TRPV4: variants seen among roughly 807,000 people sequenced by gnomAD.
The protein encoded by TRPV4 is transient receptor potential cation channel subfamily V member 4.
Under a neutral mutation model 84.1 loss-of-function variants are expected in TRPV4, and 58 were observed. The ratio of observed to expected loss-of-function variants is 0.69; its 90% CI spans 0.56 to 0.86. The LOEUF is 0.86. TRPV4 is among the 40% of genes least tolerant of loss of function. The pLI is 0.00. For synonymous variants in TRPV4, 489 were observed against 500.9 expected, an observed-to-expected ratio of 0.98 and a Z score of 0.32; for missense variants, 879 against 1,181.1, an observed-to-expected ratio of 0.74 and a Z score of 3.75.
chr12:109,832,791 A>T (rs921625049), intron 1 of TRPV4: 1 of 43,878 alleles, frequency 2.3e-5, no homozygotes, highest in African/African-American at 9.2e-5. Flanking sequence ...CCCCACCCCC[A>T]CCCCCGCTAC....
In TRPV4 at chr12:109,798,482, T is replaced by C; in HGVS notation, c.1152+132A>G. On this transcript the variant is annotated intron_variant, in intron 6 of 15. Transcript: ENST00000261740. This position sits in a 1 kb window ranked among gnomAD's most constrained non-coding sequence, Gnocchi z 5.0. Reference sequence around the variant, plus strand: ...CATAGCAGGTTCTTGAGCTGGGACATCTGCACACTGGGGTTGGCATGTTGG... The same window carrying C: ...CATAGCAGGTTCTTGAGCTGGGACACCTGCACACTGGGGTTGGCATGTTGG... 1 of 1,170,750 alleles carries C rather than the reference T, an allele frequency of 8.5e-7. No homozygotes were observed. The highest frequency in any genetic ancestry group is 1.2e-6 in the Non-Finnish European group (1 of 822,690). 72.5% of individuals were successfully genotyped at this position (1,170,750 alleles called of 1,614,324 possible). A position where few individuals can be genotyped will look rare whatever the true frequency, so the allele number is the denominator to read the frequency against.
At position 109,798,869 on chromosome 12, in the gene TRPV4, G is replaced by A. The variant is rs1749218716; in HGVS notation, c.897C>T (p.His299=). The change falls in exon 6 of 16, where the codon CAC becomes CAT. Residue 299 remains histidine (H), a synonymous_variant. Coordinates refer to ENST00000261740, the MANE Select transcript of TRPV4 (RefSeq NM_021625.5). This position sits in a 1 kb window ranked among gnomAD's most constrained non-coding sequence, Gnocchi z 5.0. ...GGTTCTCCGTCAGGTAGTTGACAAT[G>A]TGGGGCTGGTTGGTGCAGGCAGCCA... ...LSLAACTNQP[H]IVNYLTENPH... The A allele has an allele frequency of 6.2e-7, 1 of 1,613,856 alleles. No homozygotes were observed. The highest frequency in any genetic ancestry group is 8.5e-7 in the Non-Finnish European group (1 of 1,179,854).
intron 1 of TRPV4, among the ~76,000 whole-genome samples, chr12:109,820,622 A>C (rs1949475320): frequency 7.0e-6 from 1 of 142,588 alleles, no homozygotes; most frequent in African/African-American, 2.6e-5. Context: ...TCCCGGGTTC[A>C]CGCCATTCTT....
At chr12:109,808,174 T>C in intron 3 of TRPV4, 122 bp downstream of exon 3, 3 of 1,167,702 alleles carry the variant, frequency 2.6e-6, no homozygotes, top group South Asian at 2.6e-5. Context: ...TCCAGTGCAC[T>C]TTCCAGGCCA....
At chr12:109,824,731 G>C (rs545887577) in intron 1 of TRPV4, among the ~76,000 whole-genome samples, 5 of 149,664 alleles carry the variant, frequency 3.3e-5, no homozygotes, top group African/African-American at 1.2e-4. Flanking sequence ...ACTCCAGCGG[G>C]GGCGACAAGA....
chr12:109,833,081 G>A (rs770185946), intron 1 of TRPV4, among the ~76,000 whole-genome samples: 2 of 152,074 alleles, frequency 1.3e-5, no homozygotes, highest in Non-Finnish European at 2.9e-5. Context: ...GAACCGAACC[G>A]CCCTCCCCCC....
chr12:109,787,482 T>C (rs1006783188), intron 13 of TRPV4, among the ~76,000 whole-genome samples: 2 of 152,092 alleles, frequency 1.3e-5, no homozygotes, highest in South Asian at 2.1e-4. Flanking sequence ...GTGCACACCT[T>C]AGCCCCAGCT....
intron 1 of TRPV4, among the ~76,000 whole-genome samples, chr12:109,823,492 C>G (rs1279756175): frequency 1.3e-5 from 2 of 152,222 alleles, no homozygotes; most frequent in Admixed American, 1.3e-4. Context: ...GTCCCGGCCC[C>G]TGGGTAGGAG....
intron 3 of TRPV4, among the ~76,000 whole-genome samples, chr12:109,806,644 C>T (rs1238323083): frequency 6.7e-6 from 1 of 150,058 alleles, no homozygotes; most frequent in African/African-American, 2.5e-5. Context: ...CGCTTGAAGC[C>T]AGGAGTTTGA....
rs774933449 is a variant in TRPV4 at position 109,796,375 on chromosome 12, T to C, written c.1332+150A>G. On this transcript the variant is annotated intron_variant, in intron 7 of 15. Transcript: ENST00000261740. This position sits in a 1 kb window ranked among gnomAD's most constrained non-coding sequence, Gnocchi z 4.2. ...GGCAGACACTGTTCTGGGCACTTAGTTGGCACCTTCTCTTGCATTCAGCCA... is the reference window on the plus strand; with the variant it reads ...GGCAGACACTGTTCTGGGCACTTAGCTGGCACCTTCTCTTGCATTCAGCCA... The C allele has an allele frequency of 7.8e-5, 65 of 833,938 alleles. No individual in the cohort carries two copies. Among genetic ancestry groups the C allele is most frequent in the Non-Finnish European group, 1.1e-4 (57 of 519,966 alleles). The allele number at this position is 833,938 out of a possible 1,614,324, so 51.7% of individuals were successfully genotyped here.
chr12:109,789,857 G>A (rs1050755109), intron 12 of TRPV4, among the ~76,000 whole-genome samples: 2 of 152,216 alleles, frequency 1.3e-5, no homozygotes, highest in Admixed American at 6.5e-5. Flanking sequence ...CATTAGTGAT[G>A]TCTGCTATGG....
chr12:109,793,916 G>GA lies in TRPV4; in HGVS notation c.1584+13_1584+14insT. The stretch of plus-strand genomic sequence containing the variant: ...GGGCAGGCAGGGTGGGGGGCACGGG[G>GA]GCCAGGCACTTACGTTGGTGAAGAA... On this transcript the variant is annotated intron_variant, in intron 9 of 15. Transcript: ENST00000261740. The surrounding 1 kb of genome is among the most constrained non-coding windows in gnomAD (Gnocchi z 4.0). 6.3e-7 allele frequency: 1 copy of GA among 1,597,814 alleles called. No homozygotes were observed. Among genetic ancestry groups the GA allele is most frequent in the Non-Finnish European group, 8.5e-7 (1 of 1,171,052 alleles).
chr12:109,818,073 G>T (rs939496536), intron 1 of TRPV4, among the ~76,000 whole-genome samples: 1 of 151,916 alleles, frequency 6.6e-6, no homozygotes, highest in African/African-American at 2.4e-5. Context: ...TCACACAGCA[G>T]GTTAGTGACA....
chr12:109,796,534 G>A lies in TRPV4; in HGVS notation c.1323C>T (p.Ser441=). The change falls in exon 7 of 16, where the codon AGC becomes AGT. Residue 441 remains serine (S), a synonymous_variant. Coordinates refer to ENST00000261740, the MANE Select transcript of TRPV4 (RefSeq NM_021625.5). The surrounding 1 kb of genome is among the most constrained non-coding windows in gnomAD (Gnocchi z 4.2). The part of the protein sequence containing the change: ...ASVLEILVYN[S]KIENRHEMLA... Reference sequence around the variant, plus strand: ...CCCTCCTGGAGCCCACCTCAATCTTGCTGTTGTACACCAGGATCTCCAGCA... The same window carrying A: ...CCCTCCTGGAGCCCACCTCAATCTTACTGTTGTACACCAGGATCTCCAGCA... 6.2e-7 allele frequency: 1 copy of A among 1,613,906 alleles called. No individual in the cohort carries two copies. Among genetic ancestry groups the A allele is most frequent in the Non-Finnish European group, 8.5e-7 (1 of 1,179,964 alleles).
chr12:109,828,258 G>C (rs1892321277), intron 1 of TRPV4, among the ~76,000 whole-genome samples: 1 of 152,232 alleles, frequency 6.6e-6, no homozygotes, highest in Non-Finnish European at 1.5e-5. Context: ...GGTCTCGTGT[G>C]ATCCTCCCTC....
rs911837805 is a variant in TRPV4, at chr12:109,783,965, G to A, written c.2459-187C>T. On this transcript the variant is annotated intron_variant, in intron 15 of 15. Transcript: ENST00000261740. This position sits in a 1 kb window ranked among gnomAD's most constrained non-coding sequence, Gnocchi z 4.6. Reference sequence around the variant, plus strand: ...GGTGCCTCCCCAGGAGAGAATGGAGGAACCAGGATTCAAGCCTGGAGCCGA... The same window carrying A: ...GGTGCCTCCCCAGGAGAGAATGGAGAAACCAGGATTCAAGCCTGGAGCCGA... 3.3e-5 allele frequency among the ~76,000 whole-genome samples: 5 copies of A among 152,310 alleles called. No individual in the cohort carries two copies. The highest frequency in any genetic ancestry group is 5.9e-5 in the Non-Finnish European group (4 of 68,036).
chr12:109,794,256 G>T, intron 8 of TRPV4, 73 bp downstream of exon 8: 1 of 1,578,120 alleles, frequency 6.3e-7, no homozygotes. Flanking sequence ...CCAGAAGGAT[G>T]AGGTTGTGCC....
Position 109,792,793 on chromosome 12 carries a change from G to A in TRPV4, c.1683C>T (p.Ile561=), listed in dbSNP as rs780088701. ...CTGCCAGGTAGAGGGCTGCTGAGAC[G>A]ATCACCAGGACAGAGTAGATGAAGC... ...LLYFIYSVLV[I]VSAALYLAGI... Residue 561 remains isoleucine (I), a synonymous_variant, in exon 11 of 16, where the codon ATC becomes ATT. Transcript: ENST00000261740. The A allele has an allele frequency of 1.3e-5, 21 of 1,613,822 alleles. No homozygotes were observed. The highest frequency in any genetic ancestry group is 1.6e-5 in the Non-Finnish European group (19 of 1,180,050).
intron 4 of TRPV4, 87 bp from the exon 5 acceptor site, chr12:109,800,845 A>G: frequency 1.8e-6 from 1 of 541,620 alleles, no homozygotes; most frequent in Non-Finnish European, 3.1e-6. Context: ...TGCAGGACGT[A>G]GAAATTGGGG....
Sources: allele counts gnomAD v4.1 joint callset (sites outside exome capture counted in the v4.1 genomes callset), GRCh38; gene constraint gnomAD v4.1.1; non-coding constraint Gnocchi (gnomAD v3.1); transcripts MANE v1.5; gene names NCBI Gene and HGNC (gene_info 2026-07-23, HGNC 2026-07-21).